PLXNA4: variants seen among roughly 807,000 people sequenced by gnomAD.
PLXNA4 encodes plexin A4.
Under a neutral mutation model 191.8 loss-of-function variants are expected in PLXNA4, and 44 were observed. That is an observed-to-expected ratio of 0.23 (90% CI 0.18 to 0.29). PLXNA4 has a LOEUF of 0.29. Among genes scored for constraint, PLXNA4 ranks in the 10% least tolerant of loss-of-function variants. PLXNA4 has a pLI of 1.00. For missense variants in PLXNA4, 1,800 were observed against 2,488.8 expected, an observed-to-expected ratio of 0.72 and a Z score of 5.89; for synonymous variants, 1,082 against 1,009.5, an observed-to-expected ratio of 1.07 and a Z score of -1.36.
chr7:132,228,305 C>T (rs1373470706), intron 6 of PLXNA4, 41 bp downstream of exon 6: 3 of 1,610,870 alleles, frequency 1.9e-6, no homozygotes, highest in Admixed American at 1.7e-5. Flanking sequence ...GAGAGTTTTC[C>T]TTGCATCCCT....
chr7:132,409,573 C>T (rs565774689), intron 3 of PLXNA4, among the ~76,000 whole-genome samples: 2 of 152,208 alleles, frequency 1.3e-5, no homozygotes, highest in South Asian at 2.1e-4. Flanking sequence ...ACACATTGAA[C>T]CAGCTCCCCA....
At chr7:132,150,858 C>A (rs954766120) in intron 25 of PLXNA4, among the ~76,000 whole-genome samples, 9 of 152,216 alleles carry the variant, frequency 5.9e-5, no homozygotes, top group African/African-American at 2.2e-4. Flanking sequence ...GCACAATTCC[C>A]CTTAGAGCTG....
intron 3 of PLXNA4, among the ~76,000 whole-genome samples, chr7:132,320,098 C>T (rs551576233): frequency 1.3e-5 from 2 of 152,340 alleles, no homozygotes; most frequent in African/African-American, 4.8e-5. Flanking sequence ...AGTGGTCATA[C>T]TGGGCGCTTT....
At chr7:132,143,640 T>A (rs776146741) in intron 29 of PLXNA4, among the ~76,000 whole-genome samples, 4 of 152,160 alleles carry the variant, frequency 2.6e-5, no homozygotes, top group South Asian at 4.1e-4. Flanking sequence ...GCTGGGGACA[T>A]GCCCCACTGA....
chr7:132,564,264 C>T (rs1801603117), intron 1 of PLXNA4, among the ~76,000 whole-genome samples: 1 of 140,286 alleles, frequency 7.1e-6, no homozygotes, highest in African/African-American at 2.7e-5. Flanking sequence ...TTCTCCTCCT[C>T]CTCTCCTTTT....
intron 25 of PLXNA4, among the ~76,000 whole-genome samples, chr7:132,151,528 A>G (rs1302442683): frequency 3.6e-3 from 61 of 16,888 alleles, no homozygotes; most frequent in South Asian, 6.1e-3. Context: ...GGAGGAGGAG[A>G]AAGGAGGAGG....
intron 1 of PLXNA4, among the ~76,000 whole-genome samples, chr7:132,522,353 C>A (rs6944175): frequency 6.6e-6 from 1 of 152,046 alleles, no homozygotes; most frequent in African/African-American, 2.4e-5. Flanking sequence ...CCCAACCCAA[C>A]CCATTAGGAT....
intron 1 of PLXNA4, among the ~76,000 whole-genome samples, chr7:132,572,816 A>T (rs1802041112): frequency 6.6e-6 from 1 of 152,130 alleles, no homozygotes; most frequent in Admixed American, 6.5e-5. Context: ...TTTTAAAGAG[A>T]CAGTGTCCTG....
At chr7:132,351,481 C>G (rs1420735107) in intron 3 of PLXNA4, among the ~76,000 whole-genome samples, 1 of 152,204 alleles carries the variant, frequency 6.6e-6, no homozygotes, top group African/African-American at 2.4e-5. Context: ...CCCGTCATCT[C>G]TAGCAGAGGG....
Position 132,348,921 on chromosome 7 carries a change from C to T in PLXNA4, c.1372-50699G>A, listed in dbSNP as rs529973768. ...TTTTTTTGAGGAAACTACCACCATC[C>T]CCACTGCACACTGAATGGACAGAGG... On this transcript the variant is annotated intron_variant, in intron 3 of 31. Coordinates refer to ENST00000321063, the MANE Select transcript of PLXNA4 (RefSeq NM_020911.2). Among the ~76,000 whole-genome samples, 3 of 152,228 alleles carry T rather than the reference C, an allele frequency of 2.0e-5. No individual in the cohort carries two copies. The South Asian group carries it at 6.2e-4, about 32-fold the overall frequency.
chr7:132,140,278 T>TGG (rs1035066091), intron 30 of PLXNA4, among the ~76,000 whole-genome samples: 3 of 152,140 alleles, frequency 2.0e-5, no homozygotes, highest in African/African-American at 7.2e-5. Flanking sequence ...ATTTATTTTT[T>TGG]GGGGGGTGGG....
At chr7:132,562,344 C>T (rs1316185262) in intron 1 of PLXNA4, among the ~76,000 whole-genome samples, 8 of 121,256 alleles carry the variant, frequency 6.6e-5, no homozygotes, top group Admixed American at 3.2e-4. Context: ...CCTCCTCCTT[C>T]TTCTCCTTCC....
chr7:132,444,678 T>C (rs1196617007), intron 3 of PLXNA4, among the ~76,000 whole-genome samples: 2 of 152,102 alleles, frequency 1.3e-5, no homozygotes, highest in East Asian at 3.9e-4. Flanking sequence ...GTGTGTGTGT[T>C]GGTGTGGGAG....
chr7:132,524,077 C>G (rs1274408855), intron 1 of PLXNA4, among the ~76,000 whole-genome samples: 6 of 152,136 alleles, frequency 3.9e-5, no homozygotes. Flanking sequence ...CTCTGGAAGA[C>G]AAGCTGATTC....
chr7:132,539,798 C>T (rs1399065863), intron 1 of PLXNA4, among the ~76,000 whole-genome samples: 4 of 152,196 alleles, frequency 2.6e-5, no homozygotes, highest in African/African-American at 7.2e-5. Context: ...GAGATGAGTT[C>T]TTCCACGATC....
intron 3 of PLXNA4, among the ~76,000 whole-genome samples, chr7:132,313,141 T>C (rs1212611236): frequency 2.0e-5 from 3 of 152,184 alleles, no homozygotes; most frequent in East Asian, 3.8e-4. Context: ...ACTATACCTA[T>C]GTCCCCATCA....
chr7:132,489,053 C>G (rs570823972), intron 3 of PLXNA4, among the ~76,000 whole-genome samples: 54 of 152,342 alleles, frequency 3.5e-4, no homozygotes, highest in African/African-American at 1.3e-3. Flanking sequence ...TCTGACACCT[C>G]TCATGTGCAC....
chr7:132,321,822 C>T (rs1212918686), intron 3 of PLXNA4, among the ~76,000 whole-genome samples: 2 of 152,076 alleles, frequency 1.3e-5, no homozygotes, highest in Non-Finnish European at 2.9e-5. Flanking sequence ...CGGGTGGCCA[C>T]CCTCCCAGGA....
At chr7:132,185,513 G>A in intron 15 of PLXNA4, 50 bp from the exon 16 acceptor site, 9 of 1,572,496 alleles carry the variant, frequency 5.7e-6, no homozygotes, top group Non-Finnish European at 6.9e-6. Context: ...GAGGAGGACA[G>A]AGGTCCTGAG....
Sources: gnomAD v4.1 joint callset for allele counts (sites outside exome capture counted in the v4.1 genomes callset) on GRCh38, gnomAD v4.1.1 for gene constraint, MANE v1.5 for transcripts, NCBI Gene and HGNC (gene_info 2026-07-23, HGNC 2026-07-21) for gene names.